Variants in SLC8A1 observed in about 807,000 individuals in gnomAD.
SLC8A1 encodes the protein solute carrier family 8 member A1, also known as sodium/calcium exchanger 1.
Under a neutral mutation model 68.3 loss-of-function variants are expected in SLC8A1, and 18 were observed. The ratio of observed to expected loss-of-function variants is 0.26; its 90% CI spans 0.18 to 0.39. The LOEUF (loss-of-function observed/expected upper bound fraction) is 0.39, where lower values mean the gene tolerates loss of function less well. SLC8A1 is among the 10% of genes least tolerant of loss of function. SLC8A1 has a pLI of 1.00. For missense variants in SLC8A1, 985 were observed against 1,156.7 expected, an observed-to-expected ratio of 0.85 and a Z score of 2.15; for synonymous variants, 475 against 415.5, an observed-to-expected ratio of 1.14 and a Z score of -1.74.
In SLC8A1 at chr2:40,300,761, G is replaced by A. The variant is rs570948095; in HGVS notation, c.1809-122906C>T. Among the ~76,000 whole-genome samples, 31 of 152,256 alleles carry A rather than the reference G, an allele frequency of 2.0e-4. No individual in the cohort carries two copies. In the East Asian group the frequency reaches 2.7e-3, roughly 13 times the overall value. ...GAAAAGGCTGAAGACACCAGCAGCC[G>A]TTGAGAAATTAATCGAGCTGCAGCA... is the stretch of plus-strand genomic sequence containing the variant. On this transcript the variant is annotated intron_variant, in intron 2 of 7. Transcript: ENST00000406785.
chr2:40,325,450 T>C (rs2075703822), intron 2 of SLC8A1, among the ~76,000 whole-genome samples: 1 of 152,158 alleles, frequency 6.6e-6, no homozygotes, highest in Non-Finnish European at 1.5e-5. Context: ...GCATAATGAC[T>C]ACATTTTCTA....
At chr2:40,336,527 G>A (rs1666035385) in intron 2 of SLC8A1, among the ~76,000 whole-genome samples, 1 of 152,082 alleles carries the variant, frequency 6.6e-6, no homozygotes, top group African/African-American at 2.4e-5. Context: ...TTAACCATAA[G>A]GCTCTTTTCT....
intron 2 of SLC8A1, among the ~76,000 whole-genome samples, chr2:40,233,056 C>T (rs1197951344): frequency 6.6e-6 from 1 of 152,080 alleles, no homozygotes; most frequent in East Asian, 1.9e-4. Context: ...CTGCAGTAAA[C>T]ATACGTGTGC....
chr2:40,467,524 G>T (rs1386081467), intron 1 of SLC8A1, among the ~76,000 whole-genome samples: 8 of 152,100 alleles, frequency 5.3e-5, no homozygotes, highest in Admixed American at 4.6e-4. Flanking sequence ...AGCTGCTATT[G>T]TTGTCTCCTT....
chr2:40,184,538 G>C (rs2050273467), intron 2 of SLC8A1, among the ~76,000 whole-genome samples: 1 of 152,158 alleles, frequency 6.6e-6, no homozygotes, highest in Non-Finnish European at 1.5e-5. Flanking sequence ...CATGCACAGT[G>C]ATTTCCTTCT....
rs188807417 is a variant in SLC8A1, at chr2:40,488,102, G to A, written c.-25+24247C>T. 7.2e-5 allele frequency among the ~76,000 whole-genome samples: 11 copies of A among 152,028 alleles called. No homozygotes were observed. The East Asian group carries it at 1.5e-3, about 21-fold the overall frequency. ...AAAGTTTACCCTTTTAGAAGCAAGA[G>A]CTACTAAAAGGTGGATAGACAGAAT... is the stretch of plus-strand genomic sequence containing the variant. On this transcript the variant is annotated intron_variant, in intron 1 of 7. Transcript: ENST00000402441.
chr2:40,267,486 G>A (rs1311905822), intron 2 of SLC8A1, among the ~76,000 whole-genome samples: 2 of 152,154 alleles, frequency 1.3e-5, no homozygotes, highest in Non-Finnish European at 2.9e-5. Flanking sequence ...TCCTGGGAAA[G>A]ATGCTAATTA....
chr2:40,482,832 C>A (rs1366766179), intron 1 of SLC8A1, among the ~76,000 whole-genome samples: 1 of 149,670 alleles, frequency 6.7e-6, no homozygotes, highest in Admixed American at 6.6e-5. Context: ...GCTCTGTAGC[C>A]CAGGTTGGAG....
chr2:40,414,435 C>G (rs1264923432), intron 2 of SLC8A1, among the ~76,000 whole-genome samples: 1 of 152,180 alleles, frequency 6.6e-6, no homozygotes, highest in East Asian at 1.9e-4. Context: ...TGTACATCTG[C>G]TGAGTAACAT....
chr2:40,164,880 T>A, exon 5 of SLC8A1: 1 of 1,613,946 alleles, frequency 6.2e-7, no homozygotes, highest in Non-Finnish European at 8.5e-7. Flanking sequence ...TCTTCAATGA[T>A]CACTTCCAAC....
chr2:40,307,506 A>G lies in SLC8A1; in HGVS notation c.1808+120967T>C, dbSNP rs570951497. 3.3e-5 allele frequency among the ~76,000 whole-genome samples: 5 copies of G among 152,310 alleles called. No homozygotes were observed. In the South Asian group the frequency reaches 8.3e-4, roughly 25 times the overall value. On this transcript the variant is annotated intron_variant, in intron 2 of 7. Transcript: ENST00000406785. ...AACACTATTGAACTGTACACTTAAG[A>G]TGGTCAGGATAGTAAATTTTATATT...
intron 4 of SLC8A1, among the ~76,000 whole-genome samples, chr2:40,166,220 T>C (rs1047574384): frequency 6.6e-6 from 1 of 152,176 alleles, no homozygotes; most frequent in Non-Finnish European, 1.5e-5. Flanking sequence ...GGTGGCTCCA[T>C]TGTTGCTTTG....
chr2:40,463,355 A>G (rs995537023), intron 1 of SLC8A1, among the ~76,000 whole-genome samples: 1 of 152,222 alleles, frequency 6.6e-6, no homozygotes, highest in African/African-American at 2.4e-5. Flanking sequence ...CGGCGGCTGC[A>G]AGATAAGCAT....
At chr2:40,383,120 T>C (rs896269243) in intron 2 of SLC8A1, among the ~76,000 whole-genome samples, 8 of 152,144 alleles carry the variant, frequency 5.3e-5, no homozygotes, top group African/African-American at 1.7e-4. Context: ...TGATACGTTC[T>C]GTTTTGACAC....
chr2:40,498,454 A>G (rs1312644681), intron 1 of SLC8A1, among the ~76,000 whole-genome samples: 2 of 152,120 alleles, frequency 1.3e-5, no homozygotes, highest in Non-Finnish European at 2.9e-5. Flanking sequence ...TATAATTTCA[A>G]TGTTCAAATT....
chr2:40,324,000 C>T (rs1435212961), intron 2 of SLC8A1, among the ~76,000 whole-genome samples: 1 of 149,902 alleles, frequency 6.7e-6, no homozygotes, highest in African/African-American at 2.5e-5. Flanking sequence ...ATTTATATTC[C>T]AAATTGCAAT....
chr2:40,226,367 C>G (rs1425175087), intron 2 of SLC8A1, among the ~76,000 whole-genome samples: 1 of 152,150 alleles, frequency 6.6e-6, no homozygotes, highest in Non-Finnish European at 1.5e-5. Context: ...ACTTCCATGA[C>G]TTCTAGGGTA....
At chr2:40,466,592 T>A (rs1401790416) in intron 1 of SLC8A1, among the ~76,000 whole-genome samples, 2 of 152,198 alleles carry the variant, frequency 1.3e-5, no homozygotes, top group Non-Finnish European at 2.9e-5. Context: ...GGTGCTAATC[T>A]GCTTCTTTCT....
At chr2:40,250,715 A>T (rs2062606553) in intron 2 of SLC8A1, among the ~76,000 whole-genome samples, 1 of 152,174 alleles carries the variant, frequency 6.6e-6, no homozygotes, top group Non-Finnish European at 1.5e-5. Context: ...TCAATAACCC[A>T]CATTTACCCA....
Sources: gnomAD v4.1 joint callset for allele counts (sites outside exome capture counted in the v4.1 genomes callset) on GRCh38, gnomAD v4.1.1 for gene constraint, MANE v1.5 for transcripts, NCBI Gene and HGNC (gene_info 2026-07-23, HGNC 2026-07-21) for gene names.